Variants in NTM observed in about 807,000 individuals in gnomAD.
The protein encoded by NTM is neurotrimin.
NTM carries 13 observed loss-of-function variants against 42.1 expected under a neutral mutation model. That is an observed-to-expected ratio of 0.31 (90% CI 0.20 to 0.49). NTM has a LOEUF of 0.49. NTM is among the 20% of genes least tolerant of loss of function. The probability of loss-of-function intolerance (pLI) is 0.99; values close to 1 mark genes in which losing one functional copy is unlikely to be tolerated. For synonymous variants in NTM, 187 were observed against 179.2 expected (o/e 1.04, Z -0.35); for missense variants, 373 against 452.8 (o/e 0.82, Z 1.60).
At chr11:131,485,186 T>C (rs1345322917) in intron 1 of NTM, among the ~76,000 whole-genome samples, 4 of 152,210 alleles carry the variant, frequency 2.6e-5, no homozygotes, top group African/African-American at 9.6e-5. Flanking sequence ...CACCAGGGCA[T>C]CAGGCCCTCC....
At chr11:132,157,131 A>T (rs2073354287) in intron 3 of NTM, among the ~76,000 whole-genome samples, 1 of 152,224 alleles carries the variant, frequency 6.6e-6, no homozygotes. Flanking sequence ...GAATCATCAA[A>T]GAATCAATTT....
chr11:132,253,739 T>TC (rs2092216779), intron 4 of NTM, among the ~76,000 whole-genome samples: 1 of 152,164 alleles, frequency 6.6e-6, no homozygotes, highest in Non-Finnish European at 1.5e-5. Context: ...AGTGACTTTT[T>TC]CCCCCTCCTC....
chr11:131,681,246 CGT>C (rs1555082065), intron 1 of NTM, among the ~76,000 whole-genome samples: 2 of 33,944 alleles, frequency 5.9e-5, no homozygotes, highest in African/African-American at 1.7e-4. Flanking sequence ...TGTATGTGAG[CGT>C]GTGTTTCTGT....
At chr11:131,785,344 G>A (rs1446059307) in intron 1 of NTM, among the ~76,000 whole-genome samples, 2 of 152,178 alleles carry the variant, frequency 1.3e-5, no homozygotes, top group South Asian at 2.1e-4. Context: ...GAATTTTAAC[G>A]AGTTAAACAT....
At chr11:131,688,715 G>A (rs921492405) in intron 1 of NTM, among the ~76,000 whole-genome samples, 1 of 152,220 alleles carries the variant, frequency 6.6e-6, no homozygotes, top group Admixed American at 6.5e-5. Context: ...CTTCAGGGGT[G>A]GGGGTGATGC....
rs1591656531 is a variant in NTM at position 131,435,815 on chromosome 11, A to G, written c.82+64927A>G. ...CCTGATTGCCCTGGCCAGAATTTCC[A>G]GCACTATGTTGAATAGGAGTGGTGA... On this transcript the variant is annotated intron_variant, in intron 1 of 8. Transcript: ENST00000683400. Among the ~76,000 whole-genome samples, 4 of 152,246 alleles carry G rather than the reference A, an allele frequency of 2.6e-5. No homozygotes were observed. The South Asian group carries it at 8.3e-4, about 32-fold the overall frequency.
chr11:132,158,061 G>A (rs1000260167), intron 3 of NTM, among the ~76,000 whole-genome samples: 1 of 152,154 alleles, frequency 6.6e-6, no homozygotes, highest in African/African-American at 2.4e-5. Flanking sequence ...TCCATGCTCA[G>A]CGAAAGCATT....
At chr11:131,476,027 T>G (rs1591777384) in intron 1 of NTM, among the ~76,000 whole-genome samples, 1 of 146,080 alleles carries the variant, frequency 6.8e-6, no homozygotes, top group Non-Finnish European at 1.5e-5. Context: ...AAGGAAGGAG[T>G]GAAGGAAGGA....
At chr11:131,382,771 T>C in intron 1 of NTM, among the ~76,000 whole-genome samples, 1 of 152,222 alleles carries the variant, frequency 6.6e-6, no homozygotes, top group Non-Finnish European at 1.5e-5. Context: ...ATGACCAGTT[T>C]GATAATGATC....
intron 1 of NTM, among the ~76,000 whole-genome samples, chr11:131,850,952 C>T (rs2045463115): frequency 6.6e-6 from 1 of 152,106 alleles, no homozygotes; most frequent in African/African-American, 2.4e-5. Context: ...TGTTTTCCCA[C>T]CTATCTTGTC....
chr11:131,925,544 C>T (rs1414554485), intron 2 of NTM, among the ~76,000 whole-genome samples: 1 of 152,000 alleles, frequency 6.6e-6, no homozygotes, highest in Non-Finnish European at 1.5e-5. Context: ...TGCCACCATG[C>T]CCAGCTGATT....
At chr11:131,520,806 CAT>C (rs960098262) in intron 1 of NTM, among the ~76,000 whole-genome samples, 3 of 151,394 alleles carry the variant, frequency 2.0e-5, no homozygotes, top group Non-Finnish European at 4.4e-5. Flanking sequence ...TTTTCAAGTA[CAT>C]ATGTCTCAGT....
chr11:131,567,885 A>G lies in NTM; in HGVS notation c.82+196997A>G, dbSNP rs1467354450. On this transcript the variant is annotated intron_variant, in intron 1 of 8. Transcript: ENST00000683400. ...TTCCCAGGGACCCAAATTCTTACAG[A>G]CATTTGTAGTGACAGAGGTGCAATC... Among the ~76,000 whole-genome samples the G allele has an allele frequency of 1.3e-5, 2 of 152,174 alleles. 1 individual carries two copies. The highest frequency in any genetic ancestry group is 3.8e-4 in the East Asian group (2 of 5,198).
rs1269139672 is a variant in NTM at position 131,508,524 on chromosome 11, C to T, written c.82+137636C>T. Among the ~76,000 whole-genome samples the T allele has an allele frequency of 4.7e-3, 625 of 133,372 alleles. 3 individuals are homozygous for T. Among genetic ancestry groups the T allele is most frequent in the African/African-American group, 0.018 (596 of 33,348 alleles). The allele number at this position is 133,372 out of a possible 152,430, so 87.5% of individuals were successfully genotyped here. ...TGGAAATACCATTTGACCCAGCCAT[C>T]CCATTACTGGGTATATACCCAAAGG... On this transcript the variant is annotated intron_variant, in intron 1 of 8. Coordinates refer to ENST00000683400, the MANE Select transcript of NTM (RefSeq NM_001352005.2).
chr11:131,907,031 A>T (rs2053963118), intron 1 of NTM, among the ~76,000 whole-genome samples: 1 of 152,150 alleles, frequency 6.6e-6, no homozygotes, highest in Non-Finnish European at 1.5e-5. Context: ...TTCTGATTAA[A>T]TCTTCCAATA....
chr11:132,198,709 A>G (rs989214827), intron 3 of NTM, among the ~76,000 whole-genome samples: 1 of 152,208 alleles, frequency 6.6e-6, no homozygotes, highest in Admixed American at 6.5e-5. Context: ...CTTACTGAAT[A>G]TTAATCCATT....
chr11:132,137,578 A>G (rs945911501), intron 2 of NTM, among the ~76,000 whole-genome samples: 4 of 152,204 alleles, frequency 2.6e-5, no homozygotes, highest in African/African-American at 7.2e-5. Context: ...TAATTTGAGC[A>G]GAGTTTAATA....
chr11:131,461,901 C>T (rs983374041), intron 1 of NTM, among the ~76,000 whole-genome samples: 1 of 152,102 alleles, frequency 6.6e-6, no homozygotes, highest in African/African-American at 2.4e-5. Flanking sequence ...ATTAAACATG[C>T]CTTTATCTGA....
intron 2 of NTM, among the ~76,000 whole-genome samples, chr11:132,115,388 A>G (rs1034801609): frequency 3.3e-5 from 5 of 152,230 alleles, no homozygotes; most frequent in African/African-American, 1.2e-4. Context: ...TCATTTCACA[A>G]TGTATATGAA....
Sources: allele counts gnomAD v4.1 joint callset (sites outside exome capture counted in the v4.1 genomes callset), GRCh38; gene constraint gnomAD v4.1.1; transcripts MANE v1.5; gene names NCBI Gene and HGNC (gene_info 2026-07-23, HGNC 2026-07-21).